The following PCDHGA9 variants were observed in gnomAD, a reference collection of about 807,000 sequenced individuals.
The protein encoded by PCDHGA9 is protocadherin gamma-A9.
In PCDHGA9, 37 loss-of-function variants were observed where a neutral mutation model predicts 62.5. The observed-to-expected ratio is 0.59, with a 90% CI of 0.46 to 0.78. The LOEUF is 0.78. Ranked by LOEUF, PCDHGA9 falls within the 30% of genes least tolerant of loss-of-function variation. PCDHGA9 has a pLI of 0.00. For synonymous variants in PCDHGA9, 459 were observed against 484.6 expected (o/e 0.95, Z 0.69); for missense variants, 1,138 against 1,166.2 (o/e 0.98, Z 0.35).
rs2099627530 is a variant in PCDHGA9, at chr5:141,486,292, T to C, written c.2425-8515T>C. On this transcript the variant is annotated intron_variant, in intron 1 of 3. Transcript: ENST00000573521. This position sits in a 1 kb window ranked among gnomAD's most constrained non-coding sequence, Gnocchi z 5.0. ...CTGGCACTGTGGTGGCACTTATCAGTGTGCAGGATCCAGACTCAGGGTCAA... is the reference window on the plus strand; with the variant it reads ...CTGGCACTGTGGTGGCACTTATCAGCGTGCAGGATCCAGACTCAGGGTCAA... 5 of 1,613,970 alleles carry C rather than the reference T, an allele frequency of 3.1e-6. No individual in the cohort carries two copies. The highest frequency in any genetic ancestry group is 4.2e-6 in the Non-Finnish European group (5 of 1,179,982).
intron 1 of PCDHGA9, chr5:141,413,577 T>C (rs752007520): frequency 2.5e-6 from 4 of 1,613,836 alleles, no homozygotes; most frequent in Non-Finnish European, 3.4e-6. Context: ...ATGACAATGC[T>C]CCAAAATTCC....
chr5:141,472,980 C>CAAAAAAAAAAAAAAAAAAAAA (rs60579131), intron 1 of PCDHGA9, among the ~76,000 whole-genome samples: 3 of 86,094 alleles, frequency 3.5e-5, no homozygotes, highest in Non-Finnish European at 5.0e-5. Context: ...GAGTGAAACT[C>CAAAAAAAAAAAAAAAAAAAAA]AAAAAAAAAA....
At position 141,491,752 on chromosome 5, in the gene PCDHGA9, G is replaced by C. The variant is rs1464731659; in HGVS notation, c.2425-3055G>C. 6 of 1,586,646 alleles carry C rather than the reference G, an allele frequency of 3.8e-6. No homozygotes were observed. The African/African-American group carries it at 8.1e-5, about 21-fold the overall frequency. On this transcript the variant is annotated intron_variant, in intron 1 of 3. Transcript: ENST00000573521. The surrounding 1 kb of genome is among the most constrained non-coding windows in gnomAD (Gnocchi z 6.9). ...GACCCCTGGGGGCGGCACTGGAGAA[G>C]CCGCCCGTCCTCATAAGGGATTGAA...
intron 2 of PCDHGA9, among the ~76,000 whole-genome samples, chr5:141,496,839 AG>A (rs2099771805): frequency 1.3e-5 from 2 of 151,484 alleles, no homozygotes; most frequent in African/African-American, 4.9e-5. Context: ...CAGAACTCAT[AG>A]GCTTCCAGAC....
Position 141,487,535 on chromosome 5 carries a change from G to A in PCDHGA9, c.2425-7272G>A. 6.2e-7 allele frequency: 1 copy of A among 1,614,154 alleles called. No individual in the cohort carries two copies. Among genetic ancestry groups the A allele is most frequent in the South Asian group, 1.1e-5 (1 of 91,084 alleles). ...CACTCGGAGTGATAGCTTCATGATG[G>A]TGAAGTCACCCAGTGCACCTATGGC... On this transcript the variant is annotated intron_variant, in intron 1 of 3. Transcript: ENST00000573521. This position sits in a 1 kb window ranked among gnomAD's most constrained non-coding sequence, Gnocchi z 5.0.
intron 3 of PCDHGA9, chr5:141,507,291 T>A (rs956764262): frequency 3.4e-5 from 5 of 147,704 alleles, no homozygotes; most frequent in African/African-American, 5.1e-5. Flanking sequence ...CAGTCTCAAA[T>A]GTTGCATGAG....
At chr5:141,430,902 T>C (rs373775073) in intron 1 of PCDHGA9, 4 of 1,606,232 alleles carry the variant, frequency 2.5e-6, no homozygotes, top group Admixed American at 3.4e-5. Context: ...GTGGGCGACA[T>C]CTCCAGGGAC....
At chr5:141,505,106 G>A (rs934779049) in intron 2 of PCDHGA9, among the ~76,000 whole-genome samples, 1 of 152,188 alleles carries the variant, frequency 6.6e-6, no homozygotes, top group Non-Finnish European at 1.5e-5. Context: ...ATGTTGCAAT[G>A]AGCCAAGATC....
At chr5:141,423,470 A>C (rs904433654) in intron 1 of PCDHGA9, 54 of 1,613,884 alleles carry the variant, frequency 3.3e-5, no homozygotes, top group Non-Finnish European at 4.3e-5. Context: ...GACGGGGTAC[A>C]GGCTTTCCTG....
chr5:141,489,268 G>C lies in PCDHGA9; in HGVS notation c.2425-5539G>C. 6.4e-7 allele frequency: 1 copy of C among 1,553,286 alleles called. No individual in the cohort carries two copies. The highest frequency in any genetic ancestry group is 8.7e-7 in the Non-Finnish European group (1 of 1,149,780). ...GGGGCCCAAGACACTCCCACAGCTC[G>C]CTGGGAAATGGCAAGTGCTGTGCAT... On this transcript the variant is annotated intron_variant, in intron 1 of 3. Transcript: ENST00000573521. The surrounding 1 kb of genome is among the most constrained non-coding windows in gnomAD (Gnocchi z 4.5).
At position 141,486,778 on chromosome 5, in the gene PCDHGA9, G is replaced by A. The variant is rs750169906; in HGVS notation, c.2425-8029G>A. The A allele has an allele frequency of 1.2e-6, 2 of 1,614,104 alleles. No individual in the cohort carries two copies. Among genetic ancestry groups the A allele is most frequent in the Admixed American group, 1.7e-5 (1 of 60,006 alleles). ...AAACCCAGACACTGCAGTTTGAGGT[G>A]CAGGCCCGGGATCGGGGCAACCCAC... is the stretch of plus-strand genomic sequence containing the variant. On this transcript the variant is annotated intron_variant, in intron 1 of 3. Coordinates refer to ENST00000573521, the MANE Select transcript of PCDHGA9 (RefSeq NM_018921.3). This position sits in a 1 kb window ranked among gnomAD's most constrained non-coding sequence, Gnocchi z 5.0.
In PCDHGA9 at chr5:141,432,897, C is replaced by A. The variant is rs780142081; in HGVS notation, c.2424+27521C>A. 1.2e-6 allele frequency: 2 copies of A among 1,614,178 alleles called. No individual in the cohort carries two copies. Among genetic ancestry groups the A allele is most frequent in the Non-Finnish European group, 1.7e-6 (2 of 1,180,010 alleles). On this transcript the variant is annotated intron_variant, in intron 1 of 3. Coordinates refer to ENST00000573521, the MANE Select transcript of PCDHGA9 (RefSeq NM_018921.3). The surrounding 1 kb of genome is among the most constrained non-coding windows in gnomAD (Gnocchi z 6.0). ...CTGGCCTTCGTCATCTTGCTGCTGGCGCTCAGGCTGCGGCGCTGGCACAAG... is the reference window on the plus strand; with the variant it reads ...CTGGCCTTCGTCATCTTGCTGCTGGAGCTCAGGCTGCGGCGCTGGCACAAG...
Position 141,403,714 on chromosome 5 carries a change from C to A in PCDHGA9, c.762C>A (p.Asn254Lys). Residue 254 changes from asparagine to lysine, a missense_variant, in exon 1 of 4, where the codon AAC (asparagine) becomes AAA (lysine). Physicochemically the swap from Asn to Lys is moderately conservative, Grantham distance 94. Transcript: ENST00000573521. ...QRIYRVKVLE[N>K]VPPGTWLLTA... ...TTTACCGAGTTAAAGTCCTTGAGAA[C>A]GTGCCCCCAGGCACCTGGCTGCTTA... 1.2e-6 allele frequency: 2 copies of A among 1,613,910 alleles called. No homozygotes were observed. Among genetic ancestry groups the A allele is most frequent in the South Asian group, 1.1e-5 (1 of 91,080 alleles).
chr5:141,472,980 C>CAAAAAAAAAAAAAAAAGAAAAAAAAA (rs2099308501), intron 1 of PCDHGA9, among the ~76,000 whole-genome samples: 1 of 86,106 alleles, frequency 1.2e-5, no homozygotes, highest in Non-Finnish European at 2.5e-5. Context: ...GAGTGAAACT[C>CAAAAAAAAAAAAAAAAGAAAAAAAAA]AAAAAAAAAA....
intron 1 of PCDHGA9, among the ~76,000 whole-genome samples, chr5:141,444,771 T>C (rs987549188): frequency 6.6e-6 from 1 of 152,246 alleles, no homozygotes; most frequent in African/African-American, 2.4e-5. Context: ...TTCTATATTC[T>C]TGATCATGTT....
intron 1 of PCDHGA9, among the ~76,000 whole-genome samples, chr5:141,480,299 C>T: frequency 7.5e-6 from 1 of 132,466 alleles, no homozygotes; most frequent in Non-Finnish European, 1.6e-5. Flanking sequence ...CCTGTGGTAC[C>T]AGCTACTTGG....
At position 141,431,783 on chromosome 5, in the gene PCDHGA9, G is replaced by T; in HGVS notation, c.2424+26407G>T. 2 of 1,614,174 alleles carry T rather than the reference G, an allele frequency of 1.2e-6. No homozygotes were observed. Among genetic ancestry groups the T allele is most frequent in the East Asian group, 2.2e-5 (1 of 44,878 alleles). On this transcript the variant is annotated intron_variant, in intron 1 of 3. Transcript: ENST00000573521. The surrounding 1 kb of genome is among the most constrained non-coding windows in gnomAD (Gnocchi z 4.8). Reference sequence around the variant, plus strand: ...CCTGATCACTGTTCTGGACGTGAACGACAATGCCCCAGAAGTGGTCCTCAC... The same window carrying T: ...CCTGATCACTGTTCTGGACGTGAACTACAATGCCCCAGAAGTGGTCCTCAC...
chr5:141,450,832 T>A (rs192186566), intron 1 of PCDHGA9, among the ~76,000 whole-genome samples: 5,292 of 142,276 alleles, frequency 0.037, 115 homozygotes, highest in Middle Eastern at 0.096. Flanking sequence ...TATTATTATT[T>A]TTTTTTTTTT....
In PCDHGA9 at chr5:141,405,358, A is replaced by T; in HGVS notation, c.2406A>T (p.Glu802Asp). 6.2e-7 allele frequency: 1 copy of T among 1,613,900 alleles called. No homozygotes were observed. The highest frequency in any genetic ancestry group is 2.2e-5 in the East Asian group (1 of 44,886). Residue 802 changes from glutamate (E) to aspartate (D), a missense_variant, in exon 1 of 4, where the codon GAA becomes GAT. Glu to Asp is a conservative substitution (Grantham distance 45). Transcript: ENST00000573521. The part of the protein sequence containing the change: ...CVSVDSKFPI[E>D]DTPLVPQAPP... ...CTGTTGATTCCAAGTTTCCTATAGA[A>T]GACACCCCTTTGGTTCCGGTGAGTT...
Sources: gnomAD v4.1 joint callset for allele counts (sites outside exome capture counted in the v4.1 genomes callset) on GRCh38, gnomAD v4.1.1 for gene constraint, Gnocchi (gnomAD v3.1) non-coding constraint, MANE v1.5 for transcripts, NCBI Gene and HGNC (gene_info 2026-07-23, HGNC 2026-07-21) for gene names.